SRCIN1: variants seen among roughly 807,000 people sequenced by gnomAD.
SRCIN1 encodes the protein P130Cas-associated protein.
In SRCIN1, 50 loss-of-function variants were observed where a neutral mutation model predicts 116.2. The ratio of observed to expected loss-of-function variants is 0.43; its 90% confidence interval spans 0.34 to 0.54. The LOEUF is 0.54. Among genes scored for constraint, SRCIN1 ranks in the 20% least tolerant of loss-of-function variants. The probability of loss-of-function intolerance (pLI) is 0.02; values close to 1 mark genes in which losing one functional copy is unlikely to be tolerated. For synonymous variants in SRCIN1, 736 were observed against 750.0 expected (o/e 0.98, Z 0.30); for missense variants, 1,446 against 1,672.0 (o/e 0.86, Z 2.36).
At chr17:38,583,716 C>A (rs1306458502) in intron 1 of SRCIN1, among the ~76,000 whole-genome samples, 1 of 152,006 alleles carries the variant, frequency 6.6e-6, no homozygotes, top group African/African-American at 2.4e-5. Flanking sequence ...CCATGCCCAG[C>A]TAATTTTTGT....
chr17:38,548,408 A>T, intron 17 of SRCIN1, 149 bp downstream of exon 17: 1 of 900,062 alleles, frequency 1.1e-6, no homozygotes, highest in Non-Finnish European at 1.7e-6. Context: ...GAAGAAATGG[A>T]GGCAAAAGGC....
chr17:38,578,464 G>T (rs1195240565), intron 2 of SRCIN1, 26 bp downstream of exon 2: 1 of 1,548,250 alleles, frequency 6.5e-7, no homozygotes. Flanking sequence ...GGCCGCAGCC[G>T]CAGCCGCAGC....
chr17:38,581,156 C>T (rs1413128169), intron 1 of SRCIN1, among the ~76,000 whole-genome samples: 1 of 152,066 alleles, frequency 6.6e-6, no homozygotes, highest in Non-Finnish European at 1.5e-5. Flanking sequence ...CCTGTAATCC[C>T]AGCACTTTGG....
At chr17:38,567,816 C>A (rs945963177) in intron 3 of SRCIN1, among the ~76,000 whole-genome samples, 8 of 152,274 alleles carry the variant, frequency 5.3e-5, no homozygotes, top group Non-Finnish European at 1.2e-4. Flanking sequence ...AGTCACAGGG[C>A]CTCCCTGGGA....
intron 1 of SRCIN1, among the ~76,000 whole-genome samples, chr17:38,603,933 A>T (rs1353531596): frequency 6.6e-6 from 1 of 152,030 alleles, no homozygotes; most frequent in African/African-American, 2.4e-5. Flanking sequence ...CCCATCACCA[A>T]CCAGAACCAG....
Position 38,558,384 on chromosome 17 carries a change from C to T in SRCIN1, c.2044G>A (p.Val682Met). 2 of 1,603,548 alleles carry T rather than the reference C, an allele frequency of 1.2e-6. No individual in the cohort carries two copies. Among genetic ancestry groups the T allele is most frequent in the Non-Finnish European group, 1.7e-6 (2 of 1,178,806 alleles). The change falls in exon 11 of 19, where the codon GTG becomes ATG. Residue 682 changes from valine (V) to methionine (M), a missense_variant. By Grantham distance (21) the Val-to-Met change is conservative (BLOSUM62 1). Coordinates refer to ENST00000617146, the MANE Select transcript of SRCIN1 (RefSeq NM_025248.3). The surrounding 1 kb of genome is among the most constrained non-coding windows in gnomAD (Gnocchi z 4.6). ...RKLQLQNQES[V>M]RALLKRTEAE... The stretch of plus-strand genomic sequence containing the variant: ...TCCGTGCGCTTCAGCAGCGCGCGCA[C>T]CGACTCCTGGTTCTGTAGCTGCGGG...
intron 1 of SRCIN1, among the ~76,000 whole-genome samples, chr17:38,588,314 A>G (rs1908246530): frequency 1.3e-5 from 2 of 152,234 alleles, no homozygotes; most frequent in Non-Finnish European, 2.9e-5. Context: ...TATGGAGGGC[A>G]GCATGTCACC....
chr17:38,590,041 C>G (rs183066232), intron 1 of SRCIN1, among the ~76,000 whole-genome samples: 1 of 152,282 alleles, frequency 6.6e-6, no homozygotes, highest in East Asian at 1.9e-4. Context: ...AACCTGAGCT[C>G]TCCCATCAGA....
chr17:38,559,872 A>T, intron 9 of SRCIN1, 100 bp from the exon 10 acceptor site: 2 of 1,418,788 alleles, frequency 1.4e-6, no homozygotes, highest in Non-Finnish European at 1.9e-6. Context: ...CCCACACAGT[A>T]GCCAGAGAAG....
At chr17:38,603,124 T>C (rs926963918) in intron 1 of SRCIN1, among the ~76,000 whole-genome samples, 1 of 151,794 alleles carries the variant, frequency 6.6e-6, no homozygotes, top group Admixed American at 6.6e-5. Context: ...AAGGAATCAA[T>C]GGTTCTAATT....
rs1907113350 is a variant in SRCIN1 at position 38,572,108 on chromosome 17, C to T, written c.325-3877G>A. Among the ~76,000 whole-genome samples, 1 of 152,104 alleles carries T rather than the reference C, an allele frequency of 6.6e-6. No homozygotes were observed. Among genetic ancestry groups the T allele is most frequent in the South Asian group, 2.1e-4 (1 of 4,834 alleles). On this transcript the variant is annotated intron_variant, in intron 2 of 18. Coordinates refer to ENST00000617146, the MANE Select transcript of SRCIN1 (RefSeq NM_025248.3). The surrounding 1 kb of genome is among the most constrained non-coding windows in gnomAD (Gnocchi z 4.3). Reference sequence around the variant, plus strand: ...CTTGACCTCAAGCCCTGACCACGCACCTTCCAAGGAGGGAGGGCAACCCAC... The same window carrying T: ...CTTGACCTCAAGCCCTGACCACGCATCTTCCAAGGAGGGAGGGCAACCCAC...
rs766932674 is a variant in SRCIN1 at position 38,551,348 on chromosome 17, G to C, written c.2769C>G (p.Thr923=). The C allele has an allele frequency of 6.2e-7, 1 of 1,613,628 alleles. No individual in the cohort carries two copies. The highest frequency in any genetic ancestry group is 8.5e-7 in the Non-Finnish European group (1 of 1,179,776). The change falls in exon 15 of 19, where the codon ACC becomes ACG. Residue 923 remains threonine (T), a synonymous_variant. Transcript: ENST00000617146. ...GGTTGATGTCCTTGGCACTGTACTG[G>C]GTCAGGGCTGCCCGCTTCTCCTCCC... ...RDWEEKRAAL[T]QYSAKDINRL...
intron 14 of SRCIN1, 72 bp downstream of exon 14, chr17:38,551,814 C>T: frequency 3.1e-6 from 5 of 1,604,746 alleles, no homozygotes; most frequent in Non-Finnish European, 4.2e-6. Context: ...GCACTCCCCA[C>T]TCTAGGAAGG....
At chr17:38,547,637 G>A (rs1456129045) in intron 17 of SRCIN1, 1 of 238,640 alleles carries the variant, frequency 4.2e-6, no homozygotes, top group Non-Finnish European at 8.7e-6. Flanking sequence ...CAGTGGCTGT[G>A]GCCATGGTGG....
intron 18 of SRCIN1, among the ~76,000 whole-genome samples, chr17:38,535,486 C>T (rs1032083637): frequency 1.3e-5 from 2 of 152,162 alleles, no homozygotes; most frequent in Non-Finnish European, 2.9e-5. Context: ...GGATTACAGG[C>T]GTGAACCACC....
chr17:38,570,028 G>A (rs573439457), intron 2 of SRCIN1, among the ~76,000 whole-genome samples: 17 of 152,198 alleles, frequency 1.1e-4, no homozygotes, highest in African/African-American at 2.9e-4. Flanking sequence ...CACCAGGCAC[G>A]GGCGGCGCAC....
At chr17:38,606,368 G>A (rs1020995176), upstream of SRCIN1, among the ~76,000 whole-genome samples, 1 of 152,018 alleles carries the variant, frequency 6.6e-6, no homozygotes, top group African/African-American at 2.4e-5. The surrounding 1 kb of genome is among the most constrained non-coding windows in gnomAD (Gnocchi z 5.2). Flanking sequence ...CGGCGAGACT[G>A]GGGGCTCCCT....
At chr17:38,541,725 G>A (rs1462135545) in intron 18 of SRCIN1, 1 of 152,472 alleles carries the variant, frequency 6.6e-6, no homozygotes, top group Non-Finnish European at 1.5e-5. Flanking sequence ...GGCTGAGGTG[G>A]GAGGATCACC....
At chr17:38,606,455 G>C (rs771549495), upstream of SRCIN1, among the ~76,000 whole-genome samples, 11 of 152,100 alleles carry the variant, frequency 7.2e-5, no homozygotes, top group Non-Finnish European at 1.6e-4. This position sits in a 1 kb window ranked among gnomAD's most constrained non-coding sequence, Gnocchi z 5.2. Context: ...TCTGCCTCGC[G>C]ACCCCTCACC....
Sources: gnomAD v4.1 joint callset for allele counts (sites outside exome capture counted in the v4.1 genomes callset) on GRCh38, gnomAD v4.1.1 for gene constraint, Gnocchi (gnomAD v3.1) non-coding constraint, MANE v1.5 for transcripts, NCBI Gene and HGNC (gene_info 2026-07-23, HGNC 2026-07-21) for gene names.